The following SLC22A23 variants were observed in gnomAD, a reference collection of about 807,000 sequenced individuals.
SLC22A23 encodes ion transporter protein.
In SLC22A23, 26 loss-of-function variants were observed where a neutral mutation model predicts 61.0. The ratio of observed to expected loss-of-function variants is 0.43; its 90% CI spans 0.31 to 0.59. SLC22A23 has a LOEUF of 0.59. SLC22A23 is among the 20% of genes least tolerant of loss of function. The pLI is 0.11. For synonymous variants in SLC22A23, 430 were observed against 413.9 expected (o/e 1.04, Z -0.47); for missense variants, 796 against 934.7 (o/e 0.85, Z 1.94).
Position 3,304,974 on chromosome 6 carries a change from T to C in SLC22A23, c.1083-6756A>G, listed in dbSNP as rs903913694. Among the ~76,000 whole-genome samples, 4 of 151,964 alleles carry C rather than the reference T, an allele frequency of 2.6e-5. No homozygotes were observed. The highest frequency in any genetic ancestry group is 9.7e-5 in the African/African-American group (4 of 41,354). ...CAGCAGCCACGGGACTGGAGTGAAC[T>C]GAAGTAAAGACAGCACTCCCCAGGA... On this transcript the variant is annotated intron_variant, in intron 4 of 9. Coordinates refer to ENST00000406686, the MANE Select transcript of SLC22A23 (RefSeq NM_015482.2). This position sits in a 1 kb window ranked among gnomAD's most constrained non-coding sequence, Gnocchi z 4.3.
chr6:3,306,348 C>A (rs1303519003), intron 4 of SLC22A23, among the ~76,000 whole-genome samples: 2 of 152,222 alleles, frequency 1.3e-5, no homozygotes, highest in Non-Finnish European at 2.9e-5. Flanking sequence ...CAAACTCTAT[C>A]ACCCAGGTAA....
intron 9 of SLC22A23, among the ~76,000 whole-genome samples, chr6:3,278,813 G>A (rs771926438): frequency 5.3e-4 from 81 of 152,204 alleles, no homozygotes; most frequent in African/African-American, 1.9e-3. Flanking sequence ...TGATTTTAAT[G>A]GGGACAGCAT....
chr6:3,311,851 C>T (rs911165103), intron 4 of SLC22A23: 4 of 152,140 alleles, frequency 2.6e-5, no homozygotes, highest in African/African-American at 9.7e-5. Flanking sequence ...CTTGGGAGCC[C>T]TGGGTTTGTG....
intron 5 of SLC22A23, among the ~76,000 whole-genome samples, chr6:3,295,341 G>A (rs138158553): frequency 3.3e-5 from 5 of 152,328 alleles, no homozygotes; most frequent in African/African-American, 4.8e-5. Context: ...TGCACCGGGA[G>A]GGACCTGTGG....
rs1763704442 is a variant in SLC22A23, at chr6:3,333,736, C to G, written c.914-9734G>C. On this transcript the variant is annotated intron_variant, in intron 3 of 9. Coordinates refer to ENST00000406686, the MANE Select transcript of SLC22A23 (RefSeq NM_015482.2). This position sits in a 1 kb window ranked among gnomAD's most constrained non-coding sequence, Gnocchi z 4.1. ...CCCCGACAGTGGTTTGCAAGTGTGG[C>G]CCCAGACCTGCAGCAGCAGCCTCAC... is the stretch of plus-strand genomic sequence containing the variant. 1.3e-5 allele frequency among the ~76,000 whole-genome samples: 2 copies of G among 152,312 alleles called. No homozygotes were observed. The highest frequency in any genetic ancestry group is 1.3e-4 in the Admixed American group (2 of 15,308).
chr6:3,445,775 G>A (rs995046964), intron 1 of SLC22A23, among the ~76,000 whole-genome samples: 6 of 152,078 alleles, frequency 3.9e-5, no homozygotes, highest in South Asian at 2.1e-4. Context: ...GAGAGAGACC[G>A]GGCTGGGAAC....
intron 4 of SLC22A23, chr6:3,311,581 C>T (rs984524566): frequency 1.3e-5 from 2 of 152,182 alleles, no homozygotes; most frequent in Non-Finnish European, 2.9e-5. Flanking sequence ...TTTCATTAAA[C>T]TTCAGACTGT....
Position 3,365,044 on chromosome 6 carries a change from C to T in SLC22A23, c.914-41042G>A, listed in dbSNP as rs559018829. Among the ~76,000 whole-genome samples the T allele has an allele frequency of 3.3e-5, 5 of 152,294 alleles. No homozygotes were observed. The East Asian group carries it at 5.8e-4, about 18-fold the overall frequency. ...ACCAATAAACTGCCCTATGGCTGGG[C>T]GCAGTGGCTCACGCCTGTAATCCCA... is the stretch of plus-strand genomic sequence containing the variant. On this transcript the variant is annotated intron_variant, in intron 3 of 9. Coordinates refer to ENST00000406686, the MANE Select transcript of SLC22A23 (RefSeq NM_015482.2).
At chr6:3,340,868 G>T (rs969211106) in intron 3 of SLC22A23, among the ~76,000 whole-genome samples, 5 of 152,204 alleles carry the variant, frequency 3.3e-5, no homozygotes, top group African/African-American at 1.2e-4. Flanking sequence ...GAGTTTACAG[G>T]AATGATATTT....
In SLC22A23 at chr6:3,269,044, G is replaced by C. The variant is rs1209675577; in HGVS notation, c.*4011C>G. On this transcript the variant is annotated 3_prime_UTR_variant, in exon 10 of 10. Coordinates refer to ENST00000406686, the MANE Select transcript of SLC22A23 (RefSeq NM_015482.2). ...AAATACATTAGAGAAGAGAGTTTTG[G>C]GTTACCAGTCTTTCCTCACAGAATC... 6.6e-6 allele frequency: 1 copy of C among 152,260 alleles called. No homozygotes were observed. The highest frequency in any genetic ancestry group is 6.5e-5 in the Admixed American group (1 of 15,276). 9.4% of individuals were successfully genotyped at this position (152,260 alleles called of 1,614,324 possible). A position where few individuals can be genotyped will look rare whatever the true frequency, so the allele number is the denominator to read the frequency against.
At chr6:3,385,884 T>A (rs934290681) in intron 3 of SLC22A23, among the ~76,000 whole-genome samples, 1 of 152,248 alleles carries the variant, frequency 6.6e-6, no homozygotes, top group East Asian at 1.9e-4. Context: ...AGAGCTAGAA[T>A]ACTGCAAAGG....
intron 3 of SLC22A23, among the ~76,000 whole-genome samples, chr6:3,356,599 G>T (rs1230856254): frequency 6.6e-6 from 1 of 152,020 alleles, no homozygotes; most frequent in South Asian, 2.1e-4. Context: ...AACCAAACCC[G>T]CTGGCCAGGA....
intron 3 of SLC22A23, among the ~76,000 whole-genome samples, chr6:3,364,919 A>G (rs1000724250): frequency 6.6e-6 from 1 of 152,170 alleles, no homozygotes; most frequent in Non-Finnish European, 1.5e-5. Flanking sequence ...GGACGGCAAA[A>G]AAGTGCAGAG....
At chr6:3,287,973 C>T (rs921509683) in intron 6 of SLC22A23, among the ~76,000 whole-genome samples, 10 of 152,240 alleles carry the variant, frequency 6.6e-5, no homozygotes, top group African/African-American at 2.4e-4. Flanking sequence ...GTGTGAGCCA[C>T]CGCACCCGGC....
intron 9 of SLC22A23, among the ~76,000 whole-genome samples, chr6:3,281,006 C>A (rs976440892): frequency 5.3e-5 from 8 of 152,170 alleles, no homozygotes; most frequent in Admixed American, 3.3e-4. Flanking sequence ...CAGGAGAAAA[C>A]AGGCGGGTGT....
Position 3,273,428 on chromosome 6 carries a change from A to G in SLC22A23, c.1704-16T>C, listed in dbSNP as rs778857466. The G allele has an allele frequency of 1.5e-5, 24 of 1,610,664 alleles. No individual in the cohort carries two copies. Among genetic ancestry groups the G allele is most frequent in the Non-Finnish European group, 1.7e-5 (20 of 1,179,554 alleles). On this transcript the variant is annotated splice_polypyrimidine_tract_variant and intron_variant, in intron 9 of 9. Coordinates refer to ENST00000406686, the MANE Select transcript of SLC22A23 (RefSeq NM_015482.2). Reference sequence around the variant, plus strand: ...CCCGCCACACCTGCAGGGGGAGGGAAGCACAGGGATTGCTGCTGTGGGCTA... The same window carrying G: ...CCCGCCACACCTGCAGGGGGAGGGAGGCACAGGGATTGCTGCTGTGGGCTA...
At chr6:3,442,151 T>A (rs1180642597) in intron 1 of SLC22A23, among the ~76,000 whole-genome samples, 1 of 152,142 alleles carries the variant, frequency 6.6e-6, no homozygotes, top group East Asian at 1.9e-4. Context: ...CTTGAAGACA[T>A]CACGCTGAGC....
Position 3,454,002 on chromosome 6 carries a change from G to A in SLC22A23, c.654+1904C>T, listed in dbSNP as rs1475430883. ...AAAAGCTCTTTGAAGCATTTGTTAT[G>A]TGCTTGAAACACACAGAACACTGGG... On this transcript the variant is annotated intron_variant, in intron 1 of 9. Coordinates refer to ENST00000406686, the MANE Select transcript of SLC22A23 (RefSeq NM_015482.2). This position sits in a 1 kb window ranked among gnomAD's most constrained non-coding sequence, Gnocchi z 4.3. 1.3e-5 allele frequency among the ~76,000 whole-genome samples: 2 copies of A among 152,192 alleles called. No individual in the cohort carries two copies. Among genetic ancestry groups the A allele is most frequent in the Non-Finnish European group, 2.9e-5 (2 of 68,028 alleles).
intron 1 of SLC22A23, among the ~76,000 whole-genome samples, chr6:3,436,207 T>C (rs374823425): frequency 6.6e-6 from 1 of 152,068 alleles, no homozygotes; most frequent in Non-Finnish European, 1.5e-5. Context: ...TGGTGTGATA[T>C]CGGCTCACTG....
Sources: allele counts gnomAD v4.1 joint callset (sites outside exome capture counted in the v4.1 genomes callset), GRCh38; gene constraint gnomAD v4.1.1; non-coding constraint Gnocchi (gnomAD v3.1); transcripts MANE v1.5; gene names NCBI Gene and HGNC (gene_info 2026-07-23, HGNC 2026-07-21).